PLA2G5: variants seen among roughly 807,000 people sequenced by gnomAD.
PLA2G5 encodes phospholipase A2 group V.
PLA2G5 carries 12 observed loss-of-function variants against 15.9 expected under a neutral mutation model. That is an observed-to-expected ratio of 0.76 (90% CI 0.48 to 1.23). PLA2G5 has a LOEUF of 1.23. Ranked by LOEUF, PLA2G5 falls within the 50% of genes most tolerant of loss-of-function variation. PLA2G5 has a pLI of 0.00. For missense variants in PLA2G5, 169 were observed against 177.1 expected (o/e 0.95, Z 0.26); for synonymous variants, 71 against 71.4 (o/e 0.99, Z 0.03).
At chr1:20,081,180 G>A (rs943286889) in intron 1 of PLA2G5, among the ~76,000 whole-genome samples, 10 of 151,288 alleles carry the variant, frequency 6.6e-5, no homozygotes, top group Non-Finnish European at 7.4e-5. Context: ...AAATTCTCTC[G>A]CGGCTATGCG....
At position 20,070,802 on chromosome 1, in the gene PLA2G5, G is replaced by A. The variant is rs11573196; in HGVS notation, c.-11+337G>A. On this transcript the variant is annotated intron_variant, in intron 1 of 4. Transcript: ENST00000375108. ...TTACGTTAATCTGAGGCCTTGCTTG[G>A]ATTTCTTTTTAACCTAAACCACAGG... 3 of 152,376 alleles carry A rather than the reference G, an allele frequency of 2.0e-5. No homozygotes were observed. In the South Asian group the frequency reaches 6.2e-4, roughly 32 times the overall value. 9.4% of individuals were successfully genotyped at this position (152,376 alleles called of 1,614,324 possible).
intron 1 of PLA2G5, among the ~76,000 whole-genome samples, chr1:20,031,015 A>G (rs1557719798): frequency 6.6e-6 from 1 of 152,142 alleles, no homozygotes; most frequent in African/African-American, 2.4e-5. Context: ...TTTCCCTGAC[A>G]GTTGTTAGTA....
chr1:20,091,266 A>G lies in PLA2G5; in HGVS notation c.*574A>G, dbSNP rs1198718215. The stretch of plus-strand genomic sequence containing the variant: ...AAGATGTCTACATTATCTCCGAAAC[A>G]GAAGGGAAGATTAGTAAATGCAGGG... On this transcript the variant is annotated 3_prime_UTR_variant, in exon 5 of 5. Transcript: ENST00000375108. The G allele has an allele frequency of 6.6e-6, 1 of 152,340 alleles. No individual in the cohort carries two copies. Among genetic ancestry groups the G allele is most frequent in the African/African-American group, 2.4e-5 (1 of 41,458 alleles). 9.4% of individuals were successfully genotyped at this position (152,340 alleles called of 1,614,324 possible).
At chr1:20,038,314 C>G (rs1186926732) in intron 1 of PLA2G5, among the ~76,000 whole-genome samples, 1 of 152,130 alleles carries the variant, frequency 6.6e-6, no homozygotes. Context: ...CACAGCTAGT[C>G]AAAATTATTA....
intron 1 of PLA2G5, among the ~76,000 whole-genome samples, chr1:20,078,913 C>G (rs2015846606): frequency 6.6e-6 from 1 of 151,514 alleles, no homozygotes; most frequent in Admixed American, 6.6e-5. Flanking sequence ...TCGAGACTAG[C>G]CTGGGCAACA....
chr1:20,044,372 G>GC (rs1259569142), intron 1 of PLA2G5, among the ~76,000 whole-genome samples: 1 of 151,848 alleles, frequency 6.6e-6, no homozygotes, highest in African/African-American at 2.4e-5. Context: ...CCTGTTGTGG[G>GC]GGGGGTTTGA....
intron 1 of PLA2G5, among the ~76,000 whole-genome samples, chr1:20,075,454 G>T (rs574200881): frequency 6.6e-6 from 1 of 152,304 alleles, no homozygotes; most frequent in African/African-American, 2.4e-5. Context: ...CATCTACCGT[G>T]TATCAACTCA....
At chr1:20,056,121 A>G (rs143179277) in intron 1 of PLA2G5, among the ~76,000 whole-genome samples, 16 of 152,220 alleles carry the variant, frequency 1.1e-4, no homozygotes, top group African/African-American at 3.4e-4. Flanking sequence ...TACTTTTTAG[A>G]GCTGCGAGGT....
At chr1:20,051,153 T>G (rs1274457740) in intron 1 of PLA2G5, among the ~76,000 whole-genome samples, 1 of 152,198 alleles carries the variant, frequency 6.6e-6, no homozygotes, top group African/African-American at 2.4e-5. Context: ...CCCTTGTCAA[T>G]TGTGTCTTTG....
At chr1:20,033,227 G>C (rs2013062082) in intron 1 of PLA2G5, among the ~76,000 whole-genome samples, 1 of 152,170 alleles carries the variant, frequency 6.6e-6, no homozygotes, top group African/African-American at 2.4e-5. Context: ...CCAGCTGCTG[G>C]ACATGGCTCC....
intron 1 of PLA2G5, among the ~76,000 whole-genome samples, chr1:20,032,306 AG>A (rs2012999819): frequency 6.6e-6 from 1 of 151,718 alleles, no homozygotes; most frequent in South Asian, 2.1e-4. Flanking sequence ...TCCAAATGGG[AG>A]GATAATGCGG....
chr1:20,073,860 A>G (rs2015521110), intron 1 of PLA2G5, among the ~76,000 whole-genome samples: 1 of 151,278 alleles, frequency 6.6e-6, no homozygotes, highest in South Asian at 2.1e-4. Context: ...ACAGAGGGAG[A>G]CTCCATCCAA....
At position 20,090,679 on chromosome 1, in the gene PLA2G5, T is replaced by C. The variant is rs1358424559; in HGVS notation, c.404T>C (p.Ile135Thr). 1 of 1,614,080 alleles carries C rather than the reference T, an allele frequency of 6.2e-7. No homozygotes were observed. The highest frequency in any genetic ancestry group is 1.7e-5 in the Admixed American group (1 of 60,022). Residue 135 changes from isoleucine (I) to threonine (T), a missense_variant, in exon 5 of 5, where the codon ATC (isoleucine) becomes ACC (threonine). Ile to Thr is a moderately conservative substitution (Grantham distance 89). Transcript: ENST00000375108. ...YNPQYQYFPN[I>T]LCS ...CCACAGTACCAATACTTTCCCAACA[T>C]CCTCTGCTCCTAGGCCTCCCCAGCG... is the stretch of plus-strand genomic sequence containing the variant.
chr1:20,069,516 A>G (rs560306018), upstream of PLA2G5, among the ~76,000 whole-genome samples: 1 of 152,228 alleles, frequency 6.6e-6, no homozygotes, highest in Non-Finnish European at 1.5e-5. Flanking sequence ...CACAAAAAAT[A>G]CAAAAAATTA....
chr1:20,084,754 TG>T (rs1267178992), intron 1 of PLA2G5, 66 bp from the exon 2 acceptor site: 5 of 1,002,336 alleles, frequency 5.0e-6, no homozygotes, highest in Non-Finnish European at 6.4e-6. Flanking sequence ...AGAGCCAGGG[TG>T]GGATCTGAAT....
intron 1 of PLA2G5, among the ~76,000 whole-genome samples, chr1:20,051,650 A>G (rs1435465507): frequency 1.3e-5 from 2 of 152,190 alleles, no homozygotes; most frequent in African/African-American, 2.4e-5. Context: ...ATCTGTTTTC[A>G]TTTATAATAG....
chr1:20,047,980 T>C (rs1197920868), intron 1 of PLA2G5, among the ~76,000 whole-genome samples: 1 of 152,162 alleles, frequency 6.6e-6, no homozygotes, highest in Non-Finnish European at 1.5e-5. Context: ...ATACAGGTTA[T>C]TGAAACAGGT....
At chr1:20,031,423 G>T (rs1215492721) in intron 1 of PLA2G5, among the ~76,000 whole-genome samples, 2 of 152,116 alleles carry the variant, frequency 1.3e-5, no homozygotes, top group Non-Finnish European at 2.9e-5. Flanking sequence ...GATTTGAGTG[G>T]GAGAGAAATT....
intron 1 of PLA2G5, among the ~76,000 whole-genome samples, chr1:20,037,744 A>C (rs2100311261): frequency 1.3e-5 from 2 of 152,260 alleles, no homozygotes; most frequent in South Asian, 4.1e-4. Flanking sequence ...GGGGAATACA[A>C]GTTTGCCCTA....
Sources: gnomAD v4.1 joint callset for allele counts (sites outside exome capture counted in the v4.1 genomes callset) on GRCh38, gnomAD v4.1.1 for gene constraint, MANE v1.5 for transcripts, NCBI Gene and HGNC (gene_info 2026-07-23, HGNC 2026-07-21) for gene names.